The following ATP10D variants were observed in gnomAD, a reference collection of about 807,000 sequenced individuals.
ATP10D encodes the protein ATPase phospholipid transporting 10D (putative).
ATP10D carries 89 observed loss-of-function variants against 144.8 expected under a neutral mutation model. The observed-to-expected ratio is 0.61, with a 90% CI of 0.52 to 0.73. ATP10D has a LOEUF of 0.73. ATP10D is among the 30% of genes least tolerant of loss of function. ATP10D has a pLI of 0.00. For synonymous variants in ATP10D, 571 were observed against 615.1 expected, an observed-to-expected ratio of 0.93 and a Z score of 1.06; for missense variants, 1,603 against 1,714.8, an observed-to-expected ratio of 0.93 and a Z score of 1.15.
chr4:47,493,881 A>G (rs1422841472), intron 1 of ATP10D, among the ~76,000 whole-genome samples: 3 of 152,202 alleles, frequency 2.0e-5, no homozygotes, highest in African/African-American at 7.2e-5. Context: ...GCTGGAGACC[A>G]CAGGCTTGGA....
intron 1 of ATP10D, among the ~76,000 whole-genome samples, chr4:47,511,364 A>G (rs149849903): frequency 2.6e-5 from 4 of 152,244 alleles, no homozygotes; most frequent in Admixed American, 2.0e-4. Flanking sequence ...AAGACGGGCT[A>G]TCTATTGTGG....
At chr4:47,497,986 A>G (rs1560408624) in intron 1 of ATP10D, among the ~76,000 whole-genome samples, 1 of 152,246 alleles carries the variant, frequency 6.6e-6, no homozygotes, top group East Asian at 1.9e-4. Flanking sequence ...ATGTATTCTT[A>G]TAAAAGCAAG....
At chr4:47,586,073 C>T (rs773491313) in intron 21 of ATP10D, among the ~76,000 whole-genome samples, 3 of 152,192 alleles carry the variant, frequency 2.0e-5, no homozygotes, top group African/African-American at 7.2e-5. Flanking sequence ...AACCTCCAAA[C>T]TGTTCTCCAT....
Position 47,559,026 on chromosome 4 carries a change from G to C in ATP10D, c.2538G>C (p.Lys846Asn). 1 of 1,613,038 alleles carries C rather than the reference G, an allele frequency of 6.2e-7. No homozygotes were observed. Among genetic ancestry groups the C allele is most frequent in the Non-Finnish European group, 8.5e-7 (1 of 1,179,138 alleles). Residue 846 changes from lysine to asparagine, a missense_variant, in exon 13 of 23, where the codon AAG becomes AAC. Coordinates refer to ENST00000273859, the MANE Select transcript of ATP10D (RefSeq NM_020453.4). The stretch of plus-strand genomic sequence containing the variant: ...GCCTTCGTACTTTATGTATAGCAAA[G>C]AAGGTGAGACTGCTTAGTGCGCTCC... ...KQGLRTLCIA[K>N]KVMSDTEYAE...
In ATP10D at chr4:47,536,704, C is replaced by G. The variant is rs779845954; in HGVS notation, c.1162C>G (p.Leu388Val). The G allele has an allele frequency of 2.9e-5, 46 of 1,610,116 alleles. No individual in the cohort carries two copies. Among genetic ancestry groups the G allele is most frequent in the Non-Finnish European group, 3.8e-5 (45 of 1,178,770 alleles). Residue 388 changes from leucine to valine, a missense_variant, in exon 9 of 23, where the codon CTC (leucine) becomes GTC (valine). Leu to Val is a conservative substitution (Grantham distance 32). Transcript: ENST00000273859. ...TTCTTAGGTCTTGATTCCTATTTCT[C>G]TCTATGTTTCCATCGAAATTGTGAA... The part of the protein sequence containing the change: ...ILLQVLIPIS[L>V]YVSIEIVKLG...
intron 5 of ATP10D, among the ~76,000 whole-genome samples, chr4:47,527,213 C>T (rs1219515196): frequency 2.0e-5 from 3 of 152,150 alleles, no homozygotes; most frequent in African/African-American, 7.2e-5. Context: ...GAAAGGTTAT[C>T]GTTTCAACAA....
intron 1 of ATP10D, among the ~76,000 whole-genome samples, chr4:47,508,060 G>A (rs1716117797): frequency 6.6e-6 from 1 of 152,180 alleles, no homozygotes; most frequent in Admixed American, 6.5e-5. Flanking sequence ...GAATCTCCAG[G>A]GGAGAGGCTT....
At chr4:47,573,315 T>C (rs890666391) in intron 18 of ATP10D, among the ~76,000 whole-genome samples, 31 of 152,212 alleles carry the variant, frequency 2.0e-4, no homozygotes, top group Admixed American at 1.4e-3. Context: ...AATTATGAAA[T>C]GTTTAATGCT....
intron 11 of ATP10D, among the ~76,000 whole-genome samples, chr4:47,556,176 T>C (rs1424968960): frequency 6.6e-6 from 1 of 152,258 alleles, no homozygotes; most frequent in Non-Finnish European, 1.5e-5. Flanking sequence ...AGCCTCCTTG[T>C]GTGTAACTCT....
intron 9 of ATP10D, among the ~76,000 whole-genome samples, chr4:47,542,494 T>A (rs905917672): frequency 3.9e-5 from 6 of 152,180 alleles, no homozygotes; most frequent in African/African-American, 1.4e-4. Flanking sequence ...GTCTATTTCC[T>A]TTTTTGAGAA....
chr4:47,535,888 C>T lies in ATP10D; in HGVS notation c.884-14C>T. On this transcript the variant is annotated splice_polypyrimidine_tract_variant and intron_variant, in intron 6 of 22. Transcript: ENST00000273859. ...AATTTGTACATTTTCTATCATACTG[C>T]ACATCCTTCATAGGCCATGAAACCA... The T allele has an allele frequency of 6.2e-7, 1 of 1,606,710 alleles. No homozygotes were observed. The highest frequency in any genetic ancestry group is 1.1e-5 in the South Asian group (1 of 89,200).
At chr4:47,492,732 A>G (rs116256504) in intron 1 of ATP10D, among the ~76,000 whole-genome samples, 2,365 of 152,180 alleles carry the variant, frequency 0.016, 54 homozygotes, top group African/African-American at 0.054. Context: ...TCTTTAATAC[A>G]TTTTCGAAAT....
At chr4:47,585,300 T>C (rs2109479563) in intron 21 of ATP10D, among the ~76,000 whole-genome samples, 1 of 152,032 alleles carries the variant, frequency 6.6e-6, no homozygotes, top group African/African-American at 2.4e-5. Flanking sequence ...ACCTCATACA[T>C]TTAAAGTAGG....
rs569272412 is a variant in ATP10D at position 47,485,483 on chromosome 4, G to A, written c.-74G>A. 6.6e-6 allele frequency: 1 copy of A among 151,898 alleles called. No homozygotes were observed. The highest frequency in any genetic ancestry group is 1.5e-5 in the Non-Finnish European group (1 of 67,970). 9.4% of individuals were successfully genotyped at this position (151,898 alleles called of 1,614,324 possible). On this transcript the variant is annotated 5_prime_UTR_variant, in exon 1 of 23. Coordinates refer to ENST00000273859, the MANE Select transcript of ATP10D (RefSeq NM_020453.4). ...TCTTTTCTTGTACCTTGCGACTCGT[G>A]ACCAACATGCTGTGATGTGTGCCGA...
intron 1 of ATP10D, among the ~76,000 whole-genome samples, chr4:47,495,180 A>C (rs967569142): frequency 2.6e-5 from 4 of 152,264 alleles, no homozygotes; most frequent in Admixed American, 6.5e-5. Flanking sequence ...TTATATACTA[A>C]GTTAAATGTA....
intron 10 of ATP10D, chr4:47,547,363 T>C (rs1718495202): frequency 6.2e-6 from 1 of 161,798 alleles, no homozygotes; most frequent in Non-Finnish European, 1.4e-5. Flanking sequence ...AATATATCAA[T>C]TTCAGAGCTC....
intron 22 of ATP10D, among the ~76,000 whole-genome samples, chr4:47,588,498 A>G (rs1720887177): frequency 6.6e-6 from 1 of 152,220 alleles, no homozygotes; most frequent in Non-Finnish European, 1.5e-5. Flanking sequence ...CTTATGCAAT[A>G]CAACAGCAGA....
intron 1 of ATP10D, among the ~76,000 whole-genome samples, chr4:47,496,156 C>CTTT (rs5858072): frequency 2.7e-4 from 36 of 132,916 alleles, no homozygotes; most frequent in African/African-American, 4.0e-4. Flanking sequence ...TTTCCTTTTT[C>CTTT]TTTTTTTTTT....
At chr4:47,559,905 CA>C (rs1404817980) in intron 13 of ATP10D, among the ~76,000 whole-genome samples, 1 of 152,172 alleles carries the variant, frequency 6.6e-6, no homozygotes, top group African/African-American at 2.4e-5. Context: ...GAGGCTGAGA[CA>C]GGAGAATTGC....
Sources: allele counts gnomAD v4.1 joint callset (sites outside exome capture counted in the v4.1 genomes callset), GRCh38; gene constraint gnomAD v4.1.1; transcripts MANE v1.5; gene names NCBI Gene and HGNC (gene_info 2026-07-23, HGNC 2026-07-21).